The following SULT6B1 variants were observed in gnomAD, a reference collection of about 807,000 sequenced individuals.
SULT6B1 encodes the protein sulfotransferase 6B1.
In SULT6B1, 44 loss-of-function variants were observed where a neutral mutation model predicts 37.2. The ratio of observed to expected loss-of-function variants is 1.18; its 90% CI spans 0.93 to 1.52. SULT6B1 has a LOEUF of 1.52. Ranked by LOEUF, SULT6B1 falls within the 40% of genes most tolerant of loss-of-function variation. SULT6B1 has a pLI of 0.00. For synonymous variants in SULT6B1, 140 were observed against 126.0 expected (o/e 1.11, Z -0.74); for missense variants, 450 against 361.0 (o/e 1.25, Z -2.00).
intron 5 of SULT6B1, among the ~76,000 whole-genome samples, 173 bp downstream of exon 5, chr2:37,174,959 A>ATGT (rs1676381673): frequency 1.3e-5 from 2 of 152,238 alleles, no homozygotes; most frequent in East Asian, 3.8e-4. Flanking sequence ...TTAAATAAAC[A>ATGT]ACCTAAGCAT....
chr2:37,192,765 CA>C (rs754582257), upstream of SULT6B1, among the ~76,000 whole-genome samples: 8 of 152,174 alleles, frequency 5.3e-5, no homozygotes, highest in Non-Finnish European at 7.3e-5. Flanking sequence ...CTTAAAAAGA[CA>C]ATGGGTTGGA....
chr2:37,175,261 C>G (rs776091498), intron 4 of SULT6B1, 35 bp from the exon 5 acceptor site: 1 of 1,238,020 alleles, frequency 8.1e-7, no homozygotes, highest in African/African-American at 1.5e-5. Flanking sequence ...TAAGAAATGT[C>G]AAATAACTGA....
Position 37,168,079 on chromosome 2 carries a change from A to C in SULT6B1, c.782-14T>G, listed in dbSNP as rs774423872. 10 of 1,568,584 alleles carry C rather than the reference A, an allele frequency of 6.4e-6. No individual in the cohort carries two copies. The highest frequency in any genetic ancestry group is 8.6e-6 in the Non-Finnish European group (10 of 1,165,486). Reference sequence around the variant, plus strand: ...CACCAACTTCACCTACAACACACAAAAAACAGTAGACCCAGATATCTGTTA... The same window carrying C: ...CACCAACTTCACCTACAACACACAACAAACAGTAGACCCAGATATCTGTTA... On this transcript the variant is annotated splice_polypyrimidine_tract_variant and intron_variant, in intron 6 of 6. Coordinates refer to ENST00000535679, the MANE Select transcript of SULT6B1 (RefSeq NM_001367551.1).
intron 6 of SULT6B1, among the ~76,000 whole-genome samples, chr2:37,169,054 A>C (rs531466204): frequency 6.6e-6 from 1 of 152,340 alleles, no homozygotes; most frequent in African/African-American, 2.4e-5. Flanking sequence ...GGTGGAAGAA[A>C]TTTGGATAAT....
At chr2:37,187,580 G>A (rs1422488111) in intron 1 of SULT6B1, 113 bp from the exon 2 acceptor site, 1 of 533,978 alleles carries the variant, frequency 1.9e-6, no homozygotes, top group African/African-American at 1.9e-5. Flanking sequence ...TCCCTGATGT[G>A]TATATTTAGT....
intron 4 of SULT6B1, among the ~76,000 whole-genome samples, chr2:37,175,876 C>A (rs549875607): frequency 6.6e-6 from 1 of 152,154 alleles, no homozygotes; most frequent in Non-Finnish European, 1.5e-5. Flanking sequence ...TTTAATAAAA[C>A]GTACAGTTTA....
rs763558738 is a variant in SULT6B1 at position 37,183,439 on chromosome 2, C to T, written c.388G>A (p.Glu130Lys). 56 of 1,613,668 alleles carry T rather than the reference C, an allele frequency of 3.5e-5. No homozygotes were observed. Among genetic ancestry groups the T allele is most frequent in the South Asian group, 8.8e-5 (8 of 91,058 alleles). The change falls in exon 3 of 7, where the codon GAG becomes AAG. Residue 130 changes from glutamate (E) to lysine (K), a missense_variant. Glu to Lys is a moderately conservative substitution (Grantham distance 56, BLOSUM62 1). Coordinates refer to ENST00000535679, the MANE Select transcript of SULT6B1 (RefSeq NM_001367551.1). ...AGGACACTCACCTTGGCTTTATTCTCGAAGATAGACCCAGGTAATTTGTCA... is the reference window on the plus strand; with the variant it reads ...AGGACACTCACCTTGGCTTTATTCTTGAAGATAGACCCAGGTAATTTGTCA... ...HYDKLPGSIF[E>K]NKAKILVIFR...
intron 5 of SULT6B1, among the ~76,000 whole-genome samples, chr2:37,173,400 T>C (rs1223846581): frequency 3.9e-5 from 6 of 152,184 alleles, no homozygotes; most frequent in Non-Finnish European, 8.8e-5. Context: ...TACGTATATA[T>C]TTCCATGGCT....
At chr2:37,189,531 A>C (rs1676740894), upstream of SULT6B1, among the ~76,000 whole-genome samples, 1 of 152,118 alleles carries the variant, frequency 6.6e-6, no homozygotes. Context: ...ATCTCACACC[A>C]CTTTCCCATG....
At chr2:37,195,084 G>A (rs1357911557) in intron 1 of SULT6B1, among the ~76,000 whole-genome samples, 7 of 151,876 alleles carry the variant, frequency 4.6e-5, no homozygotes, top group African/African-American at 1.7e-4. Context: ...CGAATAGCTG[G>A]GATTACAGGC....
chr2:37,185,699 CAG>C (rs917579738), intron 2 of SULT6B1, among the ~76,000 whole-genome samples: 3 of 118,060 alleles, frequency 2.5e-5, no homozygotes, highest in Non-Finnish European at 4.9e-5. Context: ...GCCTGGGTGA[CAG>C]AGTGAGACTC....
At chr2:37,168,146 C>G in intron 6 of SULT6B1, 81 bp from the exon 7 acceptor site, 2 of 1,350,576 alleles carry the variant, frequency 1.5e-6, no homozygotes, top group Non-Finnish European at 9.9e-7. Flanking sequence ...TGCAATATTT[C>G]ACTCTGATAT....
chr2:37,177,088 C>T (rs574907846), intron 4 of SULT6B1, among the ~76,000 whole-genome samples: 1 of 152,268 alleles, frequency 6.6e-6, no homozygotes, highest in Admixed American at 6.5e-5. Context: ...AAACAAACCT[C>T]TCCAAGGATG....
chr2:37,172,049 AAT>A (rs1491407925), intron 5 of SULT6B1, among the ~76,000 whole-genome samples: 7 of 96,830 alleles, frequency 7.2e-5, no homozygotes, highest in Non-Finnish European at 1.2e-4. Flanking sequence ...AAACTTGAAG[AAT>A]TTTTTTTTTT....
chr2:37,185,459 G>C (rs567272985), intron 2 of SULT6B1, among the ~76,000 whole-genome samples: 1 of 152,264 alleles, frequency 6.6e-6, no homozygotes, highest in African/African-American at 2.4e-5. Flanking sequence ...GCTCATGCCT[G>C]TAATCCCAGC....
chr2:37,168,094 G>A (rs753325891), intron 6 of SULT6B1, 29 bp from the exon 7 acceptor site: 28 of 1,545,890 alleles, frequency 1.8e-5, no homozygotes, highest in Non-Finnish European at 5.2e-6. Flanking sequence ...AGTAGACCCA[G>A]ATATCTGTTA....
At chr2:37,182,609 G>A (rs977137921) in intron 3 of SULT6B1, among the ~76,000 whole-genome samples, 3 of 152,112 alleles carry the variant, frequency 2.0e-5, no homozygotes, top group Non-Finnish European at 2.9e-5. Flanking sequence ...GATTACAAGT[G>A]TGAGTCACCG....
chr2:37,168,252 C>T (rs1410784828), intron 6 of SULT6B1, among the ~76,000 whole-genome samples, 187 bp from the exon 7 acceptor site: 1 of 152,096 alleles, frequency 6.6e-6, no homozygotes, highest in Non-Finnish European at 1.5e-5. Flanking sequence ...TGCCGTGGTG[C>T]GATCTTCAAG....
intron 4 of SULT6B1, among the ~76,000 whole-genome samples, chr2:37,178,336 T>C (rs890006812): frequency 6.6e-6 from 1 of 152,146 alleles, no homozygotes; most frequent in African/African-American, 2.4e-5. Context: ...CTCCTGTTCA[T>C]GCAAGTCTTC....
Sources: allele counts gnomAD v4.1 joint callset (sites outside exome capture counted in the v4.1 genomes callset), GRCh38; gene constraint gnomAD v4.1.1; transcripts MANE v1.5; gene names NCBI Gene and HGNC (gene_info 2026-07-23, HGNC 2026-07-21).